The following ALPK2 variants were observed in gnomAD, a reference collection of about 807,000 sequenced individuals.
The protein encoded by ALPK2 is alpha kinase 2.
In ALPK2, 127 loss-of-function variants were observed where a neutral mutation model predicts 163.1. The ratio of observed to expected loss-of-function variants is 0.78; its 90% confidence interval spans 0.67 to 0.90. The LOEUF (loss-of-function observed/expected upper bound fraction) is 0.90. ALPK2 is among the 40% of genes least tolerant of loss of function. The pLI, the probability that ALPK2 is intolerant of heterozygous loss-of-function variation, is 0.00. For synonymous variants in ALPK2, 953 were observed against 959.1 expected (o/e 0.99, Z 0.12); for missense variants, 2,360 against 2,589.6 (o/e 0.91, Z 1.92).
chr18:58,591,380 T>C (rs1199944715), intron 3 of ALPK2, among the ~76,000 whole-genome samples: 1 of 152,174 alleles, frequency 6.6e-6, no homozygotes, highest in Non-Finnish European at 1.5e-5. Flanking sequence ...TTAGCCACTA[T>C]GTGGATGATA....
Position 58,504,081 on chromosome 18 carries a change from GCTC to G in ALPK2, c.6094_6096del (p.Glu2032del). On this transcript the variant is annotated inframe_deletion, in exon 11 of 13. Transcript: ENST00000361673. ...GAATACTTCACAAATTCTCCAATCA[GCTC>G]CTCCTCCACTGTAGCATACGGGATA... 2 of 1,614,104 alleles carry G rather than the reference GCTC, an allele frequency of 1.2e-6. No homozygotes were observed. The highest frequency in any genetic ancestry group is 1.7e-6 in the Non-Finnish European group (2 of 1,179,992).
At chr18:58,558,450 CGTAA>C (rs2051806154) in intron 4 of ALPK2, among the ~76,000 whole-genome samples, 1 of 152,146 alleles carries the variant, frequency 6.6e-6, no homozygotes, top group Admixed American at 6.5e-5. Context: ...AAGTAAAAGA[CGTAA>C]GTGTCTTACC....
At chr18:58,570,781 A>C (rs758251504) in intron 4 of ALPK2, among the ~76,000 whole-genome samples, 4 of 152,216 alleles carry the variant, frequency 2.6e-5, no homozygotes, top group Non-Finnish European at 5.9e-5. Flanking sequence ...AGCACATAAT[A>C]GTCCTATTGA....
intron 4 of ALPK2, among the ~76,000 whole-genome samples, chr18:58,549,478 A>C (rs917236218): frequency 1.3e-5 from 2 of 152,226 alleles, no homozygotes; most frequent in Non-Finnish European, 2.9e-5. Flanking sequence ...TGGTAGGGAA[A>C]TGCCTGGAGA....
At chr18:58,603,763 A>G (rs947244940) in intron 3 of ALPK2, among the ~76,000 whole-genome samples, 3 of 152,056 alleles carry the variant, frequency 2.0e-5, no homozygotes, top group African/African-American at 7.2e-5. Context: ...GAGGTAGAAA[A>G]CGTCTATTTG....
At chr18:58,493,943 G>T (rs1470632333) in intron 12 of ALPK2, among the ~76,000 whole-genome samples, 1 of 152,110 alleles carries the variant, frequency 6.6e-6, no homozygotes, top group African/African-American at 2.4e-5. Context: ...GGCTTTTTAG[G>T]GGAGACTACA....
chr18:58,586,444 G>A (rs1346236234), intron 3 of ALPK2, among the ~76,000 whole-genome samples: 1 of 152,126 alleles, frequency 6.6e-6, no homozygotes, highest in Admixed American at 6.5e-5. Context: ...CTTTATTCGA[G>A]AAAAATGGCT....
At chr18:58,509,516 C>T (rs1341554659) in intron 10 of ALPK2, among the ~76,000 whole-genome samples, 4 of 152,114 alleles carry the variant, frequency 2.6e-5, no homozygotes, top group South Asian at 2.1e-4. Flanking sequence ...TAAAAGTGTT[C>T]CTGTTTCTCC....
chr18:58,577,580 G>C (rs2051928502), intron 4 of ALPK2, among the ~76,000 whole-genome samples: 2 of 152,226 alleles, frequency 1.3e-5, no homozygotes, highest in African/African-American at 4.8e-5. Context: ...GCATGAAACT[G>C]TGGTCATTGG....
At chr18:58,526,214 A>G (rs997735367) in intron 6 of ALPK2, among the ~76,000 whole-genome samples, 1 of 152,226 alleles carries the variant, frequency 6.6e-6, no homozygotes, top group Non-Finnish European at 1.5e-5. Flanking sequence ...GACAAATGCA[A>G]AAGAAGCCCA....
intron 1 of ALPK2, among the ~76,000 whole-genome samples, chr18:58,624,808 A>G (rs1040284755): frequency 2.6e-5 from 4 of 152,206 alleles, no homozygotes; most frequent in Non-Finnish European, 5.9e-5. Flanking sequence ...ATTGGCCCAC[A>G]GTGCCTGAAA....
chr18:58,573,496 G>T (rs1363048492), intron 4 of ALPK2, among the ~76,000 whole-genome samples: 1 of 147,808 alleles, frequency 6.8e-6, no homozygotes, highest in East Asian at 2.0e-4. Context: ...CAACGGCCTT[G>T]GATTCCCAAA....
intron 3 of ALPK2, among the ~76,000 whole-genome samples, chr18:58,606,912 C>T (rs894015630): frequency 2.6e-5 from 4 of 152,198 alleles, no homozygotes; most frequent in South Asian, 2.1e-4. Flanking sequence ...AGCCTGAACT[C>T]CACCACCAAG....
chr18:58,517,147 T>C lies in ALPK2; in HGVS notation c.5701A>G (p.Lys1901Glu). ...TAGCTGTCATGGAGGAAGTCTTCTTTGAAGATGAGTTGGCTGAATTCAATC... is the reference window on the plus strand; with the variant it reads ...TAGCTGTCATGGAGGAAGTCTTCTTCGAAGATGAGTTGGCTGAATTCAATC... Reference protein sequence around the residue: ...EEIEFSQLIFKEDFLHDSYFG... With the variant: ...EEIEFSQLIFEEDFLHDSYFG... The change falls in exon 9 of 13, where the codon AAA becomes GAA. Residue 1901 changes from lysine to glutamate, a missense_variant. Transcript: ENST00000361673. The C allele has an allele frequency of 6.2e-7, 1 of 1,614,146 alleles. No homozygotes were observed. The highest frequency in any genetic ancestry group is 8.5e-7 in the Non-Finnish European group (1 of 1,179,994).
chr18:58,497,758 A>C (rs1307492399), intron 12 of ALPK2, among the ~76,000 whole-genome samples: 1 of 152,238 alleles, frequency 6.6e-6, no homozygotes, highest in African/African-American at 2.4e-5. Flanking sequence ...AAAGGCATCC[A>C]AGTAATGCCA....
At chr18:58,534,702 C>T in intron 5 of ALPK2, 132 bp downstream of exon 5, 1 of 1,250,318 alleles carries the variant, frequency 8.0e-7, no homozygotes, top group Admixed American at 2.4e-5. Flanking sequence ...AGCCACTTGG[C>T]CACAACCATA....
At chr18:58,557,706 ATTT>A (rs2051801873) in intron 4 of ALPK2, among the ~76,000 whole-genome samples, 2 of 138,454 alleles carry the variant, frequency 1.4e-5, no homozygotes, top group Non-Finnish European at 1.5e-5. Flanking sequence ...ATATATTTAT[ATTT>A]TGTCATTGGA....
rs140362526 is a variant in ALPK2 at position 58,482,387 on chromosome 18, T to C, written c.6297-348A>G. On this transcript the variant is annotated intron_variant, in intron 12 of 12. Coordinates refer to ENST00000361673, the MANE Select transcript of ALPK2 (RefSeq NM_052947.4). ...CTATTTTGATAAAACACAGATCTCT[T>C]AGTGATCGAAAGCCACTCCATCACA... is the stretch of plus-strand genomic sequence containing the variant. 1.6e-3 allele frequency among the ~76,000 whole-genome samples: 249 copies of C among 152,170 alleles called. 2 individuals carry two copies. In the East Asian group the frequency reaches 0.039, roughly 24 times the overall value.
chr18:58,507,670 C>T (rs1243899242), intron 10 of ALPK2, among the ~76,000 whole-genome samples: 1 of 152,186 alleles, frequency 6.6e-6, no homozygotes, highest in Non-Finnish European at 1.5e-5. Flanking sequence ...CTCAGGAAAC[C>T]ACCTTTGCAA....
Sources: allele counts gnomAD v4.1 joint callset (sites outside exome capture counted in the v4.1 genomes callset), GRCh38; gene constraint gnomAD v4.1.1; transcripts MANE v1.5; gene names NCBI Gene and HGNC (gene_info 2026-07-23, HGNC 2026-07-21).